Variants in GRIK4 observed in about 807,000 individuals in gnomAD.
GRIK4 encodes glutamate ionotropic receptor kainate type subunit 4, also known as glutamate receptor ionotropic, kainate 4.
GRIK4 carries 40 observed loss-of-function variants against 104.9 expected under a neutral mutation model. That is an observed-to-expected ratio of 0.38 (90% CI 0.30 to 0.50). The LOEUF is 0.50. Among genes scored for constraint, GRIK4 ranks in the 20% least tolerant of loss-of-function variants. The pLI is 0.93. For synonymous variants in GRIK4, 485 were observed against 524.9 expected (o/e 0.92, Z 1.04); for missense variants, 1,047 against 1,308.1 (o/e 0.80, Z 3.08).
At chr11:120,558,749 C>T (rs1037251935) in intron 1 of GRIK4, among the ~76,000 whole-genome samples, 6 of 152,112 alleles carry the variant, frequency 3.9e-5, no homozygotes, top group African/African-American at 1.4e-4. Flanking sequence ...GTGACAATTG[C>T]GCGTATTTAG....
chr11:120,888,562 A>G (rs1955185236), intron 11 of GRIK4, among the ~76,000 whole-genome samples: 1 of 152,200 alleles, frequency 6.6e-6, no homozygotes, highest in East Asian at 1.9e-4. Context: ...TCATTGATGC[A>G]AAAGAATATA....
At chr11:120,900,581 G>GA in intron 12 of GRIK4, among the ~76,000 whole-genome samples, 1 of 152,320 alleles carries the variant, frequency 6.6e-6, no homozygotes, top group East Asian at 1.9e-4. Context: ...CAAGGCTGAG[G>GA]AAAAAGAGCT....
At chr11:120,698,574 C>T (rs1038141367) in intron 3 of GRIK4, among the ~76,000 whole-genome samples, 1 of 152,252 alleles carries the variant, frequency 6.6e-6, no homozygotes, top group Non-Finnish European at 1.5e-5. Flanking sequence ...TAGTAATGTT[C>T]ACAATACCCT....
At position 120,986,190 on chromosome 11, in the gene GRIK4, G is replaced by T. The variant is rs768129356; in HGVS notation, c.2801G>T (p.Arg934Leu). 3 of 1,564,334 alleles carry T rather than the reference G, an allele frequency of 1.9e-6. No homozygotes were observed. Among genetic ancestry groups the T allele is most frequent in the South Asian group, 2.3e-5 (2 of 87,236 alleles). ...CGCCGCTTCCAGGGCCTGCGGGCAC[G>T]GCCGTCGCCCGCCCGCAGCGAGGAG... ...ECRRFQGLRA[R>L]PSPARSEESL... The change falls in exon 21 of 21, where the codon CGG becomes CTG. Residue 934 changes from arginine (R) to leucine (L), a missense_variant. Arg to Leu is a moderately radical substitution (Grantham distance 102, BLOSUM62 -2). This residue lies in a region of GRIK4 where 160 missense variants were observed against 140.9 expected (regional missense o/e 1.14). Coordinates refer to ENST00000527524, the MANE Select transcript of GRIK4 (RefSeq NM_014619.5).
chr11:120,647,121 A>G (rs921030909), intron 1 of GRIK4, among the ~76,000 whole-genome samples: 6 of 152,212 alleles, frequency 3.9e-5, no homozygotes, highest in African/African-American at 1.4e-4. Flanking sequence ...CTGATGTCCC[A>G]CATCCTACAG....
At chr11:120,589,027 G>A (rs923911880) in intron 1 of GRIK4, among the ~76,000 whole-genome samples, 3 of 152,184 alleles carry the variant, frequency 2.0e-5, no homozygotes, top group Admixed American at 2.0e-4. Context: ...GGTGCAGAGA[G>A]GCTGTGGTAT....
At chr11:120,676,824 A>G (rs1344714691) in intron 3 of GRIK4, among the ~76,000 whole-genome samples, 1 of 152,190 alleles carries the variant, frequency 6.6e-6, no homozygotes, top group Non-Finnish European at 1.5e-5. Flanking sequence ...AAGGTAATGC[A>G]TTTGCAGGGA....
At chr11:120,695,281 C>G (rs924984444) in intron 3 of GRIK4, among the ~76,000 whole-genome samples, 5 of 152,230 alleles carry the variant, frequency 3.3e-5, no homozygotes, top group Admixed American at 1.3e-4. Context: ...ACCCATGGAG[C>G]CCAAGCTCTC....
intron 16 of GRIK4, among the ~76,000 whole-genome samples, chr11:120,957,505 T>G (rs1332010387): frequency 1.3e-5 from 2 of 152,032 alleles, no homozygotes; most frequent in Non-Finnish European, 2.9e-5. Context: ...GTGGGAAAGC[T>G]CTTTGAAAAC....
rs1033049557 is a variant in GRIK4, at chr11:120,818,938, A to T, written c.346-817A>T. Among the ~76,000 whole-genome samples, 4 of 152,316 alleles carry T rather than the reference A, an allele frequency of 2.6e-5. No individual in the cohort carries two copies. In the South Asian group the frequency reaches 6.2e-4, roughly 24 times the overall value. On this transcript the variant is annotated intron_variant, in intron 5 of 20. Coordinates refer to ENST00000527524, the MANE Select transcript of GRIK4 (RefSeq NM_014619.5). ...ATCAAGGTGGATGGCAGATTATTACATTGTAACTTTCCTATTACCTACCAA... is the reference window on the plus strand; with the variant it reads ...ATCAAGGTGGATGGCAGATTATTACTTTGTAACTTTCCTATTACCTACCAA...
At chr11:120,743,479 C>T (rs2135412145) in intron 3 of GRIK4, among the ~76,000 whole-genome samples, 1 of 152,220 alleles carries the variant, frequency 6.6e-6, no homozygotes, top group African/African-American at 2.4e-5. Flanking sequence ...GGGTACTGGG[C>T]TTAATACCTG....
chr11:120,621,081 C>T (rs1242144028), intron 1 of GRIK4, among the ~76,000 whole-genome samples: 1 of 152,208 alleles, frequency 6.6e-6, no homozygotes, highest in African/African-American at 2.4e-5. Flanking sequence ...AGAACAAAGA[C>T]TCGTGTACCC....
At chr11:120,839,891 A>T (rs1417728711) in intron 8 of GRIK4, among the ~76,000 whole-genome samples, 1 of 152,222 alleles carries the variant, frequency 6.6e-6, no homozygotes, top group Non-Finnish European at 1.5e-5. Context: ...CACGAATCGA[A>T]CTTCTAAACC....
chr11:120,950,605 C>T lies in GRIK4; in HGVS notation c.1591-2250C>T, dbSNP rs561266695. Among the ~76,000 whole-genome samples the T allele has an allele frequency of 2.0e-5, 3 of 152,240 alleles. No individual in the cohort carries two copies. In the South Asian group the frequency reaches 6.2e-4, roughly 32 times the overall value. On this transcript the variant is annotated intron_variant, in intron 14 of 20. Coordinates refer to ENST00000527524, the MANE Select transcript of GRIK4 (RefSeq NM_014619.5). ...AGAAACTTGGGGGTCAAAAAAGACCCCAGGAGTGGACCACACTAGTGATTT... is the reference window on the plus strand; with the variant it reads ...AGAAACTTGGGGGTCAAAAAAGACCTCAGGAGTGGACCACACTAGTGATTT...
At chr11:120,863,421 G>T (rs1478552208) in intron 9 of GRIK4, among the ~76,000 whole-genome samples, 1 of 152,222 alleles carries the variant, frequency 6.6e-6, no homozygotes. Flanking sequence ...ATTTGTGTAA[G>T]CACACACTGT....
At chr11:120,928,296 G>A (rs556063370) in intron 13 of GRIK4, among the ~76,000 whole-genome samples, 2 of 151,768 alleles carry the variant, frequency 1.3e-5, no homozygotes, top group African/African-American at 4.8e-5. Context: ...CCCTCTGGCT[G>A]CAACGGGAAG....
At chr11:120,871,559 T>A in intron 9 of GRIK4, 1 of 456,024 alleles carries the variant, frequency 2.2e-6, no homozygotes, top group South Asian at 1.6e-5. Flanking sequence ...GAGAATTGGG[T>A]GTCCTTTGTT....
intron 13 of GRIK4, among the ~76,000 whole-genome samples, chr11:120,906,387 G>T (rs1942867169): frequency 6.6e-6 from 1 of 152,188 alleles, no homozygotes; most frequent in Non-Finnish European, 1.5e-5. Context: ...CTCCCAGCAT[G>T]TGCTGATGTG....
intron 20 of GRIK4, among the ~76,000 whole-genome samples, chr11:120,984,930 G>C (rs894898034): frequency 1.3e-5 from 2 of 149,474 alleles, no homozygotes; most frequent in East Asian, 2.0e-4. Flanking sequence ...CCAGGTTTAC[G>C]TGATTTTCCC....
Sources: allele counts gnomAD v4.1 joint callset (sites outside exome capture counted in the v4.1 genomes callset), GRCh38; gene constraint gnomAD v4.1.1; regional missense constraint gnomAD v4.1.1; transcripts MANE v1.5; gene names NCBI Gene and HGNC (gene_info 2026-07-23, HGNC 2026-07-21).